KSR2: variants seen among roughly 807,000 people sequenced by gnomAD.
KSR2 encodes the protein kinase suppressor of ras 2.
In KSR2, 25 loss-of-function variants were observed where a neutral mutation model predicts 107.8. That is an observed-to-expected ratio of 0.23 (90% CI 0.17 to 0.32). KSR2 has a LOEUF of 0.32. KSR2 is among the 10% of genes least tolerant of loss of function. The pLI is 1.00. For missense variants in KSR2, 887 were observed against 1,268.9 expected (o/e 0.70, Z 4.57); for synonymous variants, 480 against 507.0 (o/e 0.95, Z 0.71).
rs79911287 is a variant in KSR2, at chr12:117,672,019, C to T, written c.987-4361G>A. ...CTAAGCATGCCTGCAAAGTCCTTAGCGCCTGGAACGCCAACTCTGCTTATC... is the reference window on the plus strand; with the variant it reads ...CTAAGCATGCCTGCAAAGTCCTTAGTGCCTGGAACGCCAACTCTGCTTATC... On this transcript the variant is annotated intron_variant, in intron 4 of 19. Transcript: ENST00000339824. Among the ~76,000 whole-genome samples, 743 of 152,316 alleles carry T rather than the reference C, an allele frequency of 4.9e-3. 7 individuals are homozygous for T. Among genetic ancestry groups the T allele is most frequent in the African/African-American group, 0.016 (653 of 41,566 alleles).
At chr12:117,595,521 C>T (rs113557799) in intron 5 of KSR2, among the ~76,000 whole-genome samples, 21,272 of 151,800 alleles carry the variant, frequency 0.14, 1,618 homozygotes, top group East Asian at 0.2. Context: ...CCCGCCACCG[C>T]GCCCGGCTAA....
chr12:117,663,004 T>C (rs1174751909), intron 5 of KSR2, among the ~76,000 whole-genome samples: 1 of 152,082 alleles, frequency 6.6e-6, no homozygotes, highest in African/African-American at 2.4e-5. Flanking sequence ...CCTAGAATAA[T>C]AACAACAGAG....
chr12:117,494,230 C>T (rs752313687), intron 14 of KSR2, among the ~76,000 whole-genome samples: 2 of 152,140 alleles, frequency 1.3e-5, no homozygotes, highest in Non-Finnish European at 2.9e-5. Context: ...TCTGCACCTG[C>T]GGTCTCCTTT....
intron 4 of KSR2, among the ~76,000 whole-genome samples, chr12:117,760,135 G>A (rs1303494453): frequency 6.6e-6 from 1 of 152,186 alleles, no homozygotes; most frequent in Non-Finnish European, 1.5e-5. Context: ...TCCTTTTTAA[G>A]CCTGAATAAT....
At chr12:117,676,334 TG>T (rs1454759222) in intron 4 of KSR2, among the ~76,000 whole-genome samples, 1 of 152,158 alleles carries the variant, frequency 6.6e-6, no homozygotes, top group African/African-American at 2.4e-5. Flanking sequence ...TCCCCAAGTG[TG>T]GAGGAATACG....
chr12:117,919,230 C>T (rs1329559568), intron 1 of KSR2, among the ~76,000 whole-genome samples: 1 of 152,224 alleles, frequency 6.6e-6, no homozygotes, highest in African/African-American at 2.4e-5. Flanking sequence ...TGTGCTTCAA[C>T]TGTAGCTTGT....
At chr12:117,764,921 C>A (rs1889172299) in intron 3 of KSR2, among the ~76,000 whole-genome samples, 1 of 152,222 alleles carries the variant, frequency 6.6e-6, no homozygotes, top group South Asian at 2.1e-4. Flanking sequence ...CAAATACAAG[C>A]AATGTGCTTA....
rs2085615343 is a variant in KSR2, at chr12:117,455,372, T to C, written c.*11827A>G. ...TGCAGTTACCCTCAATAAATCATGA[T>C]CTTGCCTCTGAGTCCACACATAGGC... On this transcript the variant is annotated 3_prime_UTR_variant, in exon 20 of 20. Transcript: ENST00000339824. 1 of 152,358 alleles carries C rather than the reference T, an allele frequency of 6.6e-6. No homozygotes were observed. Among genetic ancestry groups the C allele is most frequent in the Non-Finnish European group, 1.5e-5 (1 of 68,052 alleles). The allele number at this position is 152,358 out of a possible 1,614,324, so 9.4% of individuals were successfully genotyped here. A position where few individuals can be genotyped will look rare whatever the true frequency, so the allele number is the denominator to read the frequency against.
At chr12:117,598,707 T>C (rs1880776523) in intron 5 of KSR2, among the ~76,000 whole-genome samples, 1 of 152,194 alleles carries the variant, frequency 6.6e-6, no homozygotes, top group Non-Finnish European at 1.5e-5. Flanking sequence ...TGCATTTCCC[T>C]GATAATTAGT....
chr12:117,659,781 A>C (rs1884347876), intron 5 of KSR2, among the ~76,000 whole-genome samples: 1 of 152,254 alleles, frequency 6.6e-6, no homozygotes, highest in South Asian at 2.1e-4. Context: ...GGCAGCCCCC[A>C]AACAAAATGC....
intron 3 of KSR2, among the ~76,000 whole-genome samples, chr12:117,808,694 C>G (rs528677893): frequency 3.9e-4 from 59 of 152,292 alleles, no homozygotes; most frequent in African/African-American, 1.1e-3. Flanking sequence ...AACTCCTACA[C>G]CCCTCTCCTC....
At position 117,457,563 on chromosome 12, in the gene KSR2, A is replaced by G. The variant is rs1403998096; in HGVS notation, c.*9636T>C. 1 of 152,244 alleles carries G rather than the reference A, an allele frequency of 6.6e-6. No homozygotes were observed. Among genetic ancestry groups the G allele is most frequent in the African/African-American group, 2.4e-5 (1 of 41,472 alleles). The allele number at this position is 152,244 out of a possible 1,614,324, so 9.4% of individuals were successfully genotyped here. On this transcript the variant is annotated 3_prime_UTR_variant, in exon 20 of 20. Coordinates refer to ENST00000339824, the MANE Select transcript of KSR2 (RefSeq NM_173598.6). The stretch of plus-strand genomic sequence containing the variant: ...GGATGCCATATCAGAAGTGGGGGTC[A>G]GAGAAGCTCAGGTGACACCATGCCT...
intron 5 of KSR2, among the ~76,000 whole-genome samples, chr12:117,650,092 T>A (rs1236957578): frequency 1.3e-5 from 2 of 152,226 alleles, no homozygotes; most frequent in Non-Finnish European, 2.9e-5. Context: ...TGGATGTGTC[T>A]GTGTGGGTGT....
intron 3 of KSR2, among the ~76,000 whole-genome samples, chr12:117,774,929 C>T (rs1006330422): frequency 6.6e-6 from 1 of 152,194 alleles, no homozygotes; most frequent in Non-Finnish European, 1.5e-5. Flanking sequence ...TGTGGTCTTT[C>T]GTGTCTGGCT....
intron 3 of KSR2, among the ~76,000 whole-genome samples, chr12:117,773,362 T>C (rs762914707): frequency 6.6e-6 from 1 of 152,192 alleles, no homozygotes; most frequent in Non-Finnish European, 1.5e-5. Flanking sequence ...GGTTTTTCAC[T>C]TGACATTCTC....
intron 10 of KSR2, among the ~76,000 whole-genome samples, 173 bp from the exon 11 acceptor site, chr12:117,531,880 A>G (rs1193802220): frequency 6.6e-6 from 1 of 152,290 alleles, no homozygotes; most frequent in East Asian, 1.9e-4. Context: ...TAAAGAAACC[A>G]GAACTCTAAA....
rs745436081 is a variant in KSR2, at chr12:117,947,210, AAAGAAAG to A, written c.180+20859_180+20865del. Among the ~76,000 whole-genome samples the A allele has an allele frequency of 1.8e-3, 159 of 87,882 alleles. 3 individuals are homozygous for A. The Middle Eastern group carries it at 0.03, about 17-fold the overall frequency. 57.7% of individuals were successfully genotyped at this position (87,882 alleles called of 152,430 possible). On this transcript the variant is annotated intron_variant, in intron 1 of 19. Coordinates refer to ENST00000339824, the MANE Select transcript of KSR2 (RefSeq NM_173598.6). ...AGAAAAGAAAGAAAAGAAAGAAAAG[AAAGAAAG>A]AAAGAAAGAAAGAAAGAAAGAAAGA... is the stretch of plus-strand genomic sequence containing the variant.
chr12:117,595,756 G>T (rs1409701996), intron 5 of KSR2, among the ~76,000 whole-genome samples: 4 of 152,160 alleles, frequency 2.6e-5, no homozygotes, highest in Admixed American at 6.5e-5. Flanking sequence ...TACTTTGAAG[G>T]CCACCTCATT....
At chr12:117,559,909 G>A (rs1877994240) in intron 7 of KSR2, among the ~76,000 whole-genome samples, 2 of 152,152 alleles carry the variant, frequency 1.3e-5, no homozygotes, top group African/African-American at 4.8e-5. Context: ...CTAACTTCCA[G>A]CAGCCAACAT....
Sources: allele counts gnomAD v4.1 joint callset (sites outside exome capture counted in the v4.1 genomes callset), GRCh38; gene constraint gnomAD v4.1.1; transcripts MANE v1.5; gene names NCBI Gene and HGNC (gene_info 2026-07-23, HGNC 2026-07-21).